The following FBXW11 variants were observed in gnomAD, a reference collection of about 807,000 sequenced individuals.
FBXW11 encodes the protein F-box and WD repeat domain containing 11, also known as F-box/WD repeat-containing protein 11.
In FBXW11, 19 loss-of-function variants were observed where a neutral mutation model predicts 77.6. The observed-to-expected ratio is 0.24, with a 90% CI of 0.17 to 0.36. FBXW11 has a LOEUF of 0.36. Ranked by LOEUF, FBXW11 falls within the 10% of genes least tolerant of loss-of-function variation. FBXW11 has a pLI of 1.00. For missense variants in FBXW11, 334 were observed against 704.2 expected (o/e 0.47, Z 5.95); for synonymous variants, 235 against 249.4 (o/e 0.94, Z 0.54).
intron 1 of FBXW11, among the ~76,000 whole-genome samples, chr5:172,001,227 T>C (rs925662290): frequency 3.9e-5 from 6 of 152,354 alleles, no homozygotes; most frequent in South Asian, 4.1e-4. Context: ...TGAGCACCCA[T>C]GTGCTGAGGA....
chr5:171,907,488 T>C (rs1760603548), intron 4 of FBXW11, among the ~76,000 whole-genome samples: 1 of 152,162 alleles, frequency 6.6e-6, no homozygotes, highest in African/African-American at 2.4e-5. Context: ...AAGCAGAGTC[T>C]GTGTTAAGGA....
chr5:171,945,776 T>C (rs533544804), intron 2 of FBXW11, among the ~76,000 whole-genome samples: 1 of 152,372 alleles, frequency 6.6e-6, no homozygotes, highest in East Asian at 1.9e-4. Flanking sequence ...ATTGATGCTA[T>C]AAATGATACT....
chr5:171,997,013 A>G, intron 1 of FBXW11: 5 of 1,289,860 alleles, frequency 3.9e-6, no homozygotes, highest in Non-Finnish European at 5.1e-6. Context: ...TACTGTATCC[A>G]GCTTTCTTCA....
chr5:171,898,188 T>C (rs1023446595), intron 6 of FBXW11, among the ~76,000 whole-genome samples: 1 of 152,216 alleles, frequency 6.6e-6, no homozygotes, highest in Non-Finnish European at 1.5e-5. Flanking sequence ...TAATGAATTT[T>C]GGCACAATAA....
At chr5:171,942,329 T>A (rs1228905168) in intron 2 of FBXW11, among the ~76,000 whole-genome samples, 1 of 151,872 alleles carries the variant, frequency 6.6e-6, no homozygotes, top group Non-Finnish European at 1.5e-5. Context: ...TTGCCTTTAG[T>A]TGTCACACTT....
intron 1 of FBXW11, among the ~76,000 whole-genome samples, chr5:171,997,931 C>T (rs1466564952): frequency 6.6e-6 from 1 of 152,174 alleles, no homozygotes; most frequent in African/African-American, 2.4e-5. Context: ...ATAGTAATAC[C>T]TACCTTATTG....
intron 2 of FBXW11, among the ~76,000 whole-genome samples, chr5:171,933,012 T>C (rs1031444267): frequency 6.7e-6 from 1 of 149,796 alleles, no homozygotes; most frequent in Non-Finnish European, 1.5e-5. Context: ...GCACCTGTTG[T>C]TCCAGCTACT....
In FBXW11 at chr5:171,888,973, C is replaced by G. The variant is rs1211305189; in HGVS notation, c.852+2494G>C. On this transcript the variant is annotated intron_variant, in intron 7 of 13. Coordinates refer to ENST00000517395, the MANE Select transcript of FBXW11 (RefSeq NM_001378974.1). ...TGAAGATAGGCCAATAGAAATTATC[C>G]AGAAAAGGGAGGAACAAAGATTGAA... Among the ~76,000 whole-genome samples the G allele has an allele frequency of 2.6e-5, 4 of 151,976 alleles. 1 individual carries two copies. The Middle Eastern group carries it at 0.014, about 517-fold the overall frequency.
intron 2 of FBXW11, among the ~76,000 whole-genome samples, chr5:171,922,757 A>G (rs556071733): frequency 8.5e-5 from 13 of 152,354 alleles, no homozygotes; most frequent in Non-Finnish European, 1.5e-5. Context: ...TTCTCTTCTA[A>G]TTAATCTAAA....
chr5:171,997,966 TTTACA>T (rs1766159375), intron 1 of FBXW11, among the ~76,000 whole-genome samples: 1 of 152,184 alleles, frequency 6.6e-6, no homozygotes, highest in Non-Finnish European at 1.5e-5. Context: ...GGCCAAGCCC[TTTACA>T]TTAATTACCC....
chr5:171,998,657 C>T (rs897169650), intron 1 of FBXW11, among the ~76,000 whole-genome samples: 1 of 151,460 alleles, frequency 6.6e-6, no homozygotes, highest in Non-Finnish European at 1.5e-5. Flanking sequence ...ATTAACCGGG[C>T]CTGGTGGCAC....
At position 171,872,999 on chromosome 5, in the gene FBXW11, C is replaced by A; in HGVS notation, c.1222-9G>T. On this transcript the variant is annotated splice_polypyrimidine_tract_variant and intron_variant, in intron 9 of 13. Coordinates refer to ENST00000517395, the MANE Select transcript of FBXW11 (RefSeq NM_001378974.1). ...GTGCTCGTGCTCCAGACCTGTATAA[C>A]AAATTAACAGTATTTTAAAGAATGA... 1.9e-6 allele frequency: 3 copies of A among 1,603,786 alleles called. No homozygotes were observed. Among genetic ancestry groups the A allele is most frequent in the East Asian group, 2.2e-5 (1 of 44,778 alleles).
intron 1 of FBXW11, among the ~76,000 whole-genome samples, chr5:172,001,806 A>C (rs1456772837): frequency 6.6e-6 from 1 of 152,240 alleles, no homozygotes; most frequent in Non-Finnish European, 1.5e-5. Context: ...GATTGCTGAG[A>C]TATAACCTAA....
At position 171,977,326 on chromosome 5, in the gene FBXW11, G is replaced by C. The variant is rs1189141393; in HGVS notation, c.46-19628C>G. Among the ~76,000 whole-genome samples the C allele has an allele frequency of 1.4e-4, 20 of 145,470 alleles. No homozygotes were observed. The South Asian group carries it at 4.4e-3, about 32-fold the overall frequency. ...CCATGTCTCAAAAAAAAAAAAAAAA[G>C]AAAGAAAGAAAAGAAAAAAGAAAGA... On this transcript the variant is annotated intron_variant, in intron 1 of 13. Transcript: ENST00000517395.
chr5:171,965,566 A>G (rs955229328), intron 1 of FBXW11, among the ~76,000 whole-genome samples: 4 of 151,908 alleles, frequency 2.6e-5, no homozygotes, highest in Admixed American at 2.0e-4. Flanking sequence ...CAGTACCCAA[A>G]AGCATTAAAA....
At chr5:171,907,266 A>G (rs1303533801) in intron 4 of FBXW11, among the ~76,000 whole-genome samples, 1 of 152,232 alleles carries the variant, frequency 6.6e-6, no homozygotes, top group African/African-American at 2.4e-5. Flanking sequence ...TTTAAAAGCT[A>G]TAATTATAAT....
At chr5:171,929,218 A>G (rs2113041301) in intron 2 of FBXW11, among the ~76,000 whole-genome samples, 1 of 152,276 alleles carries the variant, frequency 6.6e-6, no homozygotes, top group Non-Finnish European at 1.5e-5. Context: ...AAAATATTTA[A>G]AAAATGAGCC....
At chr5:171,974,291 G>A (rs377198380) in intron 1 of FBXW11, among the ~76,000 whole-genome samples, 1 of 151,802 alleles carries the variant, frequency 6.6e-6, no homozygotes, top group South Asian at 2.1e-4. Flanking sequence ...AAAATTAGCC[G>A]GGCGTGGTGG....
At chr5:171,925,994 A>C (rs929126552) in intron 2 of FBXW11, among the ~76,000 whole-genome samples, 4 of 151,984 alleles carry the variant, frequency 2.6e-5, no homozygotes, top group Admixed American at 6.5e-5. Flanking sequence ...GTACAATCTC[A>C]TCTTTACAAA....
Sources: allele counts gnomAD v4.1 joint callset (sites outside exome capture counted in the v4.1 genomes callset), GRCh38; gene constraint gnomAD v4.1.1; transcripts MANE v1.5; gene names NCBI Gene and HGNC (gene_info 2026-07-23, HGNC 2026-07-21).